The following ZDHHC11B variants were observed in gnomAD, a reference collection of about 807,000 sequenced individuals.
The protein encoded by ZDHHC11B is zDHHC palmitoyltransferase 11B (putative).
Under a neutral mutation model 42.3 loss-of-function variants are expected in ZDHHC11B, and 17 were observed. The observed-to-expected ratio is 0.40, with a 90% CI of 0.27 to 0.60. ZDHHC11B has a LOEUF of 0.60. ZDHHC11B is among the 20% of genes least tolerant of loss of function. ZDHHC11B has a pLI of 0.41. For missense variants in ZDHHC11B, 262 were observed against 463.2 expected (o/e 0.57, Z 3.99); for synonymous variants, 123 against 193.5 (o/e 0.64, Z 3.02).
intron 1 of ZDHHC11B, among the ~76,000 whole-genome samples, chr5:772,939 T>C (rs12654648): frequency 0.021 from 3,176 of 150,078 alleles, 10 homozygotes; most frequent in East Asian, 0.063. Flanking sequence ...TAAAAAAGTT[T>C]TTAAACTAAA....
intron 7 of ZDHHC11B, among the ~76,000 whole-genome samples, chr5:748,798 ACTAAGTG>A (rs1292471746): frequency 2.3e-5 from 3 of 129,760 alleles, no homozygotes; most frequent in African/African-American, 7.5e-5. Context: ...CAACAGGGTC[ACTAAGTG>A]CCAGGGCTCC....
At chr5:726,296 G>C (rs1742602857) in intron 12 of ZDHHC11B, among the ~76,000 whole-genome samples, 1 of 151,408 alleles carries the variant, frequency 6.6e-6, no homozygotes, top group Non-Finnish European at 1.5e-5. Context: ...GTGCGCAGCA[G>C]GCAGAGCCTG....
rs867675308 is a variant in ZDHHC11B, at chr5:727,434, C to T, written c.1058+3000G>A. On this transcript the variant is annotated intron_variant, in intron 12 of 13. Coordinates refer to ENST00000508859, the MANE Select transcript of ZDHHC11B (RefSeq NM_001351303.2). ...CTCCAAATTCCAGGTTTCCTGGAAC[C>T]GAAACAAAATGTATTTTCCATATAA... Among the ~76,000 whole-genome samples the T allele has an allele frequency of 4.3e-3, 614 of 143,762 alleles. 3 individuals carry two copies. The highest frequency in any genetic ancestry group is 7.2e-3 in the African/African-American group (277 of 38,314). 94.3% of individuals were successfully genotyped at this position (143,762 alleles called of 152,430 possible).
intron 10 of ZDHHC11B, among the ~76,000 whole-genome samples, chr5:736,140 T>C (rs1435337645): frequency 1.3e-5 from 2 of 149,090 alleles, no homozygotes; most frequent in African/African-American, 2.5e-5. Flanking sequence ...TCCATACAAA[T>C]GGAAACCAAC....
chr5:774,968 CAG>C (rs1448489329), intron 1 of ZDHHC11B, among the ~76,000 whole-genome samples: 2 of 151,962 alleles, frequency 1.3e-5, no homozygotes, highest in African/African-American at 4.8e-5. Context: ...GCCTTGCTGG[CAG>C]AGGAGGCTGG....
intron 1 of ZDHHC11B, among the ~76,000 whole-genome samples, chr5:778,578 G>T (rs368013339): frequency 3.8e-4 from 57 of 151,886 alleles, no homozygotes; most frequent in African/African-American, 1.4e-3. Flanking sequence ...ACTGCCCTTG[G>T]GTTACCCTTG....
At chr5:784,048 A>C (rs1225438592) in intron 1 of ZDHHC11B, among the ~76,000 whole-genome samples, 1 of 151,328 alleles carries the variant, frequency 6.6e-6, no homozygotes, top group Non-Finnish European at 1.5e-5. Flanking sequence ...GCGCCTCTCC[A>C]TCGCCACAGG....
chr5:717,191 G>A (rs1480013205), intron 12 of ZDHHC11B, among the ~76,000 whole-genome samples: 1 of 151,330 alleles, frequency 6.6e-6, no homozygotes, highest in Non-Finnish European at 1.5e-5. Flanking sequence ...GAAATGTGGG[G>A]CCCACAGGAG....
At chr5:737,297 G>A (rs565804784) in intron 10 of ZDHHC11B, among the ~76,000 whole-genome samples, 11 of 148,180 alleles carry the variant, frequency 7.4e-5, no homozygotes, top group Non-Finnish European at 1.3e-4. Context: ...TTAATAACAA[G>A]TAGCGAGATT....
Position 730,474 on chromosome 5 carries a change from G to C in ZDHHC11B, c.1024-6C>G. 2.6e-6 allele frequency: 4 copies of C among 1,558,308 alleles called. No homozygotes were observed. The highest frequency in any genetic ancestry group is 1.7e-4 in the Middle Eastern group (1 of 5,944). On this transcript the variant is annotated splice_polypyrimidine_tract_variant and splice_region_variant and intron_variant, in intron 11 of 13. Transcript: ENST00000508859. Reference sequence around the variant, plus strand: ...CTCGGGGCATCATCTGCTTCCTGTGGGGGGAAGGGAAGCAAAATTCTTAGG... The same window carrying C: ...CTCGGGGCATCATCTGCTTCCTGTGCGGGGAAGGGAAGCAAAATTCTTAGG...
chr5:725,409 C>A (rs1468886769), intron 12 of ZDHHC11B, among the ~76,000 whole-genome samples: 1 of 134,904 alleles, frequency 7.4e-6, no homozygotes, highest in East Asian at 2.1e-4. Flanking sequence ...TGCCTAAGCC[C>A]CCGGTGTGTG....
chr5:737,101 A>C (rs1743613816), intron 10 of ZDHHC11B, among the ~76,000 whole-genome samples: 1 of 149,764 alleles, frequency 6.7e-6, no homozygotes, highest in Non-Finnish European at 1.5e-5. Context: ...AAAGATCCAA[A>C]TAAGCTCAAT....
intron 12 of ZDHHC11B, among the ~76,000 whole-genome samples, chr5:724,395 T>TTTTTTTTA (rs70955293): frequency 1.5e-5 from 2 of 129,162 alleles, no homozygotes; most frequent in Non-Finnish European, 3.3e-5. Flanking sequence ...TTTTTTTTTT[T>TTTTTTTTA]GAGACAGTCT....
In ZDHHC11B at chr5:736,389, A is replaced by G. The variant is rs575025560; in HGVS notation, c.936-2550T>C. 1.3e-5 allele frequency among the ~76,000 whole-genome samples: 2 copies of G among 149,902 alleles called. 1 individual carries two copies. The highest frequency in any genetic ancestry group is 1.4e-4 in the Admixed American group (2 of 14,768). On this transcript the variant is annotated intron_variant, in intron 10 of 13. Transcript: ENST00000508859. ...ATTATAGTGACGGACACAATACTGC[A>G]CTGATAGCACTAGACAGGTCATCAA...
chr5:719,094 C>A (rs931095148), intron 12 of ZDHHC11B, among the ~76,000 whole-genome samples: 1 of 151,804 alleles, frequency 6.6e-6, no homozygotes, highest in Non-Finnish European at 1.5e-5. Flanking sequence ...GGAAGAGCAA[C>A]TTCAGTGACA....
intron 1 of ZDHHC11B, among the ~76,000 whole-genome samples, chr5:775,748 A>G (rs1736420582): frequency 6.6e-6 from 1 of 151,754 alleles, no homozygotes; most frequent in African/African-American, 2.4e-5. Flanking sequence ...TGCCCCTGGC[A>G]GGGGCCATGC....
At chr5:764,106 C>T (rs1734968193) in intron 4 of ZDHHC11B, among the ~76,000 whole-genome samples, 1 of 151,958 alleles carries the variant, frequency 6.6e-6, no homozygotes, top group South Asian at 2.1e-4. Flanking sequence ...GCATCCAGCC[C>T]CTACACCTCC....
rs772234630 is a variant in ZDHHC11B at position 766,747 on chromosome 5, C to A, written c.173G>T (p.Arg58Met). Residue 58 changes from arginine to methionine, a missense_variant, in exon 4 of 14, where the codon AGG becomes ATG. Around this residue, in one of 5 missense-constraint regions of ZDHHC11B, gnomAD observed 97 missense variants for 98.1 expected, o/e 0.99. Transcript: ENST00000508859. The part of the protein sequence containing the change: ...VFVGLSLATF[R>M]IFIPLLPHSW... ...GTGAGGCAGGAGGGGAATGAAGATC[C>A]TGAAGGTGGCCAAGGAAAGGCCAAC... 3.7e-6 allele frequency: 6 copies of A among 1,612,072 alleles called. No individual in the cohort carries two copies. In the African/African-American group the frequency reaches 8.0e-5, roughly 22 times the overall value.
At chr5:784,472 C>G (rs1430029496) in intron 1 of ZDHHC11B, among the ~76,000 whole-genome samples, 196 bp downstream of exon 1, 1 of 152,250 alleles carries the variant, frequency 6.6e-6, no homozygotes, top group Non-Finnish European at 1.5e-5. Flanking sequence ...GTCCTCGCAC[C>G]GAGCCCGCAG....
Sources: allele counts gnomAD v4.1 joint callset (sites outside exome capture counted in the v4.1 genomes callset), GRCh38; gene constraint gnomAD v4.1.1; regional missense constraint gnomAD v4.1.1; transcripts MANE v1.5; gene names NCBI Gene and HGNC (gene_info 2026-07-23, HGNC 2026-07-21).